ROBO2: variants seen among roughly 807,000 people sequenced by gnomAD.
ROBO2 encodes roundabout homolog 2.
A neutral mutation model predicts 160.8 loss-of-function variants in ROBO2; 53 were observed. That is an observed-to-expected ratio of 0.33 (90% CI 0.26 to 0.41). The LOEUF is 0.41. Ranked by LOEUF, ROBO2 falls within the 10% of genes least tolerant of loss-of-function variation. The pLI is 1.00. For synonymous variants in ROBO2, 664 were observed against 611.7 expected (o/e 1.09, Z -1.26); for missense variants, 1,577 against 1,722.4 (o/e 0.92, Z 1.49).
intron 2 of ROBO2, among the ~76,000 whole-genome samples, chr3:76,699,946 A>G (rs998492802): frequency 3.9e-5 from 6 of 152,090 alleles, no homozygotes; most frequent in Admixed American, 3.9e-4. Flanking sequence ...GAGCATGGTA[A>G]ATGCAACTTA....
chr3:76,076,005 G>A (rs2068634274), intron 2 of ROBO2, among the ~76,000 whole-genome samples: 1 of 152,082 alleles, frequency 6.6e-6, no homozygotes, highest in African/African-American at 2.4e-5. Flanking sequence ...CATTATTTTA[G>A]CAAATAGCTC....
intron 2 of ROBO2, among the ~76,000 whole-genome samples, chr3:77,222,717 A>T (rs1470620084): frequency 3.9e-5 from 6 of 152,106 alleles, no homozygotes; most frequent in Non-Finnish European, 8.8e-5. Flanking sequence ...TCACTTAAAC[A>T]TTTTTCCTTT....
At chr3:76,707,421 G>A (rs2093188689) in intron 2 of ROBO2, among the ~76,000 whole-genome samples, 1 of 151,954 alleles carries the variant, frequency 6.6e-6, no homozygotes, top group Non-Finnish European at 1.5e-5. Flanking sequence ...CTTAGAAATG[G>A]ACAAACCACT....
intron 2 of ROBO2, among the ~76,000 whole-genome samples, chr3:76,171,005 G>C (rs2073019940): frequency 6.6e-6 from 1 of 152,062 alleles, no homozygotes; most frequent in East Asian, 1.9e-4. Context: ...ACCCACAGAG[G>C]CAAGGGTTAC....
At chr3:76,090,245 G>A (rs954268979) in intron 2 of ROBO2, among the ~76,000 whole-genome samples, 8 of 152,080 alleles carry the variant, frequency 5.3e-5, no homozygotes, top group African/African-American at 1.9e-4. Flanking sequence ...CAGATCACCT[G>A]AGGTCAGGGG....
chr3:76,909,608 C>T (rs1051979302), intron 2 of ROBO2, among the ~76,000 whole-genome samples: 9 of 152,204 alleles, frequency 5.9e-5, no homozygotes, highest in Non-Finnish European at 7.3e-5. Flanking sequence ...CACTTACTCT[C>T]ATTTCAGTGT....
intron 2 of ROBO2, among the ~76,000 whole-genome samples, chr3:76,130,570 G>A (rs1576982975): frequency 2.0e-5 from 3 of 152,090 alleles, no homozygotes; most frequent in Non-Finnish European, 2.9e-5. Context: ...TATCATATCT[G>A]TATTCAGGGA....
chr3:76,980,962 C>A (rs563841970), intron 2 of ROBO2, among the ~76,000 whole-genome samples: 5 of 152,090 alleles, frequency 3.3e-5, no homozygotes, highest in Non-Finnish European at 7.4e-5. Context: ...TCACTGGATT[C>A]TTTCACTTAG....
chr3:76,456,455 G>C (rs2077759678), intron 2 of ROBO2, among the ~76,000 whole-genome samples: 1 of 152,122 alleles, frequency 6.6e-6, no homozygotes, highest in South Asian at 2.1e-4. Context: ...CAAATTGAGG[G>C]AACAAGGCAG....
chr3:76,926,477 G>A (rs2076999074), intron 2 of ROBO2, among the ~76,000 whole-genome samples: 2 of 152,238 alleles, frequency 1.3e-5, no homozygotes, highest in South Asian at 2.1e-4. Flanking sequence ...GAAAAGTTAG[G>A]ATAATGTATT....
At chr3:76,525,587 G>A (rs1286402072) in intron 2 of ROBO2, among the ~76,000 whole-genome samples, 2 of 151,950 alleles carry the variant, frequency 1.3e-5, no homozygotes, top group East Asian at 3.9e-4. Flanking sequence ...CACTTGAAAT[G>A]TTTTCTCAAC....
chr3:76,144,927 A>C (rs185352983), intron 2 of ROBO2, among the ~76,000 whole-genome samples: 4 of 152,110 alleles, frequency 2.6e-5, no homozygotes, highest in African/African-American at 9.6e-5. Context: ...TAGTAATTTT[A>C]GTGCATTTTG....
At chr3:76,970,251 G>T (rs894459207) in intron 2 of ROBO2, among the ~76,000 whole-genome samples, 1 of 152,066 alleles carries the variant, frequency 6.6e-6, no homozygotes, top group Non-Finnish European at 1.5e-5. Context: ...TTTCTCAAGG[G>T]CCTACCTCTA....
intron 2 of ROBO2, among the ~76,000 whole-genome samples, chr3:77,181,010 T>C (rs1477489441): frequency 6.6e-6 from 1 of 152,012 alleles, no homozygotes; most frequent in Non-Finnish European, 1.5e-5. Context: ...CATTATAAAA[T>C]TTGCACCTAC....
intron 5 of ROBO2, among the ~76,000 whole-genome samples, chr3:77,519,810 T>C (rs1158047728): frequency 6.6e-6 from 1 of 151,436 alleles, no homozygotes; most frequent in East Asian, 1.9e-4. Flanking sequence ...ATTGGATTGC[T>C]GGGTCAAATG....
intron 2 of ROBO2, among the ~76,000 whole-genome samples, chr3:76,459,916 C>T (rs2077990141): frequency 6.6e-6 from 1 of 151,976 alleles, no homozygotes. Context: ...TGTGGTTTAA[C>T]AAATGAACCA....
chr3:77,640,022 CAT>C (rs1306934585), intron 24 of ROBO2, among the ~76,000 whole-genome samples: 1 of 148,288 alleles, frequency 6.7e-6, no homozygotes, highest in Non-Finnish European at 1.5e-5. Context: ...AAGCAAACCA[CAT>C]TACTCTGAAA....
At chr3:76,312,476 T>C (rs1211489114) in intron 2 of ROBO2, among the ~76,000 whole-genome samples, 1 of 152,224 alleles carries the variant, frequency 6.6e-6, no homozygotes, top group East Asian at 1.9e-4. Context: ...TTCTGCCTAC[T>C]GTACCTTTGA....
chr3:76,735,708 G>A (rs1041525738), intron 2 of ROBO2, among the ~76,000 whole-genome samples: 1 of 143,102 alleles, frequency 7.0e-6, no homozygotes, highest in Non-Finnish European at 1.5e-5. Context: ...AATGCAGTGA[G>A]CAGAGATCAC....
Sources: gnomAD v4.1 joint callset for allele counts (sites outside exome capture counted in the v4.1 genomes callset) on GRCh38, gnomAD v4.1.1 for gene constraint, MANE v1.5 for transcripts, NCBI Gene and HGNC (gene_info 2026-07-23, HGNC 2026-07-21) for gene names.